MOB3A: variants seen among roughly 807,000 people sequenced by gnomAD.
The protein encoded by MOB3A is MOB kinase activator 3A.
MOB3A carries 17 observed loss-of-function variants against 17.8 expected under a neutral mutation model. The observed-to-expected ratio is 0.95, with a 90% CI of 0.65 to 1.43. The LOEUF (loss-of-function observed/expected upper bound fraction) is 1.43, where lower values mean the gene tolerates loss of function less well. Among genes scored for constraint, MOB3A ranks in the 40% most tolerant of loss-of-function variants. The pLI, the probability that MOB3A is intolerant of heterozygous loss-of-function variation, is 0.00. For missense variants in MOB3A, 333 were observed against 310.8 expected, an observed-to-expected ratio of 1.07 and a Z score of -0.54; for synonymous variants, 124 against 133.2, an observed-to-expected ratio of 0.93 and a Z score of 0.48.
chr19:2,080,417 A>C (rs569718059), intron 2 of MOB3A, among the ~76,000 whole-genome samples: 1 of 151,364 alleles, frequency 6.6e-6, no homozygotes, highest in South Asian at 2.1e-4. Flanking sequence ...TCGCTCTGTC[A>C]CCCAGGCTGG....
In MOB3A at chr19:2,078,345, G is replaced by T. The variant is rs1270137573; in HGVS notation, c.216C>A (p.Val72=). 4 of 1,612,338 alleles carry T rather than the reference G, an allele frequency of 2.5e-6. No homozygotes were observed. The highest frequency in any genetic ancestry group is 3.4e-6 in the Non-Finnish European group (4 of 1,178,968). ...AVHVVDFFNR[V]NLIYGTISDG... ...CGCTGATGGTGCCGTAGATGAGGTT[G>T]ACGCGGTTAAAGAAGTCCACCACGT... is the stretch of plus-strand genomic sequence containing the variant. The change falls in exon 3 of 5, where the codon GTC becomes GTA. Residue 72 remains valine (V), a synonymous_variant. Coordinates refer to ENST00000357066, the MANE Select transcript of MOB3A (RefSeq NM_130807.3).
intron 2 of MOB3A, among the ~76,000 whole-genome samples, chr19:2,083,118 A>C (rs1260950492): frequency 6.6e-6 from 1 of 152,208 alleles, no homozygotes; most frequent in Non-Finnish European, 1.5e-5. Context: ...AGGGGCTGAG[A>C]TCACTGGCGT....
At chr19:2,086,699 G>T (rs1414827896) in intron 1 of MOB3A, among the ~76,000 whole-genome samples, 1 of 152,162 alleles carries the variant, frequency 6.6e-6, no homozygotes, top group Non-Finnish European at 1.5e-5. Context: ...CCTGGTGCTG[G>T]TAGGCCACCC....
intron 4 of MOB3A, 119 bp downstream of exon 4, chr19:2,076,692 G>C (rs568928398): frequency 2.0e-6 from 2 of 1,018,638 alleles, no homozygotes; most frequent in Non-Finnish European, 2.9e-6. Context: ...AACTCCAGCC[G>C]GGGCCGCCAG....
Position 2,093,297 on chromosome 19 carries a change from A to G in MOB3A, c.-274+2929T>C, listed in dbSNP as rs562743225. Reference sequence around the variant, plus strand: ...CTCAGCCTCCTGAGTAGCTGGGACTACAGGCACGCGCCAGCATGCCCGGGT... The same window carrying G: ...CTCAGCCTCCTGAGTAGCTGGGACTGCAGGCACGCGCCAGCATGCCCGGGT... On this transcript the variant is annotated intron_variant, in intron 1 of 4. Transcript: ENST00000357066. This position sits in a 1 kb window ranked among gnomAD's most constrained non-coding sequence, Gnocchi z 4.6. Among the ~76,000 whole-genome samples, 1 of 152,108 alleles carries G rather than the reference A, an allele frequency of 6.6e-6. No individual in the cohort carries two copies. The highest frequency in any genetic ancestry group is 1.5e-5 in the Non-Finnish European group (1 of 68,006).
At chr19:2,078,956 C>T (rs546248623) in intron 2 of MOB3A, among the ~76,000 whole-genome samples, 1 of 152,294 alleles carries the variant, frequency 6.6e-6, no homozygotes, top group Admixed American at 6.5e-5. Flanking sequence ...AACGAGGTCT[C>T]ACTATGTTGC....
intron 4 of MOB3A, among the ~76,000 whole-genome samples, chr19:2,075,436 C>A (rs2017392248): frequency 6.6e-6 from 1 of 152,064 alleles, no homozygotes; most frequent in Non-Finnish European, 1.5e-5. Flanking sequence ...TGAGTTCAGA[C>A]CAGCCTGGGC....
At chr19:2,079,357 T>C (rs1282385987) in intron 2 of MOB3A, among the ~76,000 whole-genome samples, 4 of 152,230 alleles carry the variant, frequency 2.6e-5, no homozygotes, top group Non-Finnish European at 4.4e-5. Flanking sequence ...CACACCGCAA[T>C]GCCCGCAGCC....
Position 2,073,370 on chromosome 19 carries a change from G to C in MOB3A, c.*25C>G, listed in dbSNP as rs780795210. On this transcript the variant is annotated 3_prime_UTR_variant, in exon 5 of 5. Coordinates refer to ENST00000357066, the MANE Select transcript of MOB3A (RefSeq NM_130807.3). ...GTCTCCGAGGCCCCAGCGGCGGTTC[G>C]GGCACCGGGAGACCCGCGGGGCTCT... 2.5e-6 allele frequency: 4 copies of C among 1,612,758 alleles called. No individual in the cohort carries two copies. The African/African-American group carries it at 5.3e-5, about 22-fold the overall frequency.
At chr19:2,092,937 G>C (rs964123883) in intron 1 of MOB3A, among the ~76,000 whole-genome samples, 2 of 152,098 alleles carry the variant, frequency 1.3e-5, no homozygotes, top group East Asian at 3.9e-4. Flanking sequence ...AAAGGCAGAA[G>C]TGAAGGCCTC....
chr19:2,089,594 C>T (rs1281976738), intron 1 of MOB3A, among the ~76,000 whole-genome samples: 2 of 151,644 alleles, frequency 1.3e-5, no homozygotes, highest in Middle Eastern at 3.2e-3. Context: ...CACGGACCCC[C>T]AAGAGACTCC....
rs2017447417 is a variant in MOB3A at position 2,078,557 on chromosome 19, A to G, written c.4T>C (p.Ser2Pro). 1.3e-6 allele frequency: 2 copies of G among 1,565,706 alleles called. No individual in the cohort carries two copies. Among genetic ancestry groups the G allele is most frequent in the Non-Finnish European group, 1.7e-6 (2 of 1,151,592 alleles). Reference sequence around the variant, plus strand: ...AAGACTTGCTTCAGGAAGGGGTTGGACATCTTGGTGACGCCTGCTCTCCTG... The same window carrying G: ...AAGACTTGCTTCAGGAAGGGGTTGGGCATCTTGGTGACGCCTGCTCTCCTG... M[S>P]NPFLKQVFNK... Residue 2 changes from serine to proline, a missense_variant, in exon 3 of 5, where the codon TCC (serine) becomes CCC (proline). Transcript: ENST00000357066.
chr19:2,089,767 T>C (rs940857177), intron 1 of MOB3A, among the ~76,000 whole-genome samples: 2 of 152,036 alleles, frequency 1.3e-5, no homozygotes, highest in African/African-American at 2.4e-5. Flanking sequence ...GGGAGCAGAC[T>C]TGATTTTTTT....
intron 1 of MOB3A, among the ~76,000 whole-genome samples, chr19:2,091,685 C>T (rs1300286724): frequency 6.6e-6 from 1 of 150,916 alleles, no homozygotes; most frequent in African/African-American, 2.4e-5. Flanking sequence ...CGCCCAGGCT[C>T]TAAGACCTTT....
intron 4 of MOB3A, among the ~76,000 whole-genome samples, chr19:2,073,717 G>A (rs1275779328): frequency 1.3e-5 from 2 of 152,100 alleles, no homozygotes; most frequent in Non-Finnish European, 2.9e-5. Context: ...AACCTCACAA[G>A]TGTACCTCGC....
At chr19:2,084,120 A>G (rs1463517508) in intron 2 of MOB3A, 3 of 500,364 alleles carry the variant, frequency 6.0e-6, no homozygotes, top group Non-Finnish European at 1.2e-5. Flanking sequence ...CCAGACTCAC[A>G]CCAAGACAGT....
In MOB3A at chr19:2,082,657, T is replaced by C. The variant is rs1016212438; in HGVS notation, c.-120+2518A>G. 6.6e-6 allele frequency among the ~76,000 whole-genome samples: 1 copy of C among 152,158 alleles called. No individual in the cohort carries two copies. The highest frequency in any genetic ancestry group is 1.5e-5 in the Non-Finnish European group (1 of 68,020). On this transcript the variant is annotated intron_variant, in intron 2 of 4. Transcript: ENST00000357066. This position sits in a 1 kb window ranked among gnomAD's most constrained non-coding sequence, Gnocchi z 4.1. ...GGCAGCCGTCTGATCACAAGCCTAG[T>C]GACACACGCTTCCCGGGCCAGCGCT...
chr19:2,089,668 G>T lies in MOB3A; in HGVS notation c.-273-4340C>A, dbSNP rs555650473. 5.3e-5 allele frequency among the ~76,000 whole-genome samples: 8 copies of T among 151,974 alleles called. No individual in the cohort carries two copies. In the East Asian group the frequency reaches 5.8e-4, roughly 11 times the overall value. On this transcript the variant is annotated intron_variant, in intron 1 of 4. Coordinates refer to ENST00000357066, the MANE Select transcript of MOB3A (RefSeq NM_130807.3). ...GCTACACACATTGAAATCCACAGAG[G>T]GGGAGAGGAAGAGAATCCCAGGAGC...
chr19:2,078,343 T>C lies in MOB3A; in HGVS notation c.218A>G (p.Asn73Ser), dbSNP rs763512868. Residue 73 changes from asparagine to serine, a missense_variant, in exon 3 of 5, where the codon AAC becomes AGC. Transcript: ENST00000357066. ...GTCGCTGATGGTGCCGTAGATGAGG[T>C]TGACGCGGTTAAAGAAGTCCACCAC... ...VHVVDFFNRV[N>S]LIYGTISDGC... 12 of 1,612,200 alleles carry C rather than the reference T, an allele frequency of 7.4e-6. No individual in the cohort carries two copies. Among genetic ancestry groups the C allele is most frequent in the South Asian group, 4.4e-5 (4 of 91,078 alleles).
Sources: gnomAD v4.1 joint callset for allele counts (sites outside exome capture counted in the v4.1 genomes callset) on GRCh38, gnomAD v4.1.1 for gene constraint, Gnocchi (gnomAD v3.1) non-coding constraint, MANE v1.5 for transcripts, NCBI Gene and HGNC (gene_info 2026-07-23, HGNC 2026-07-21) for gene names.